EPHA10: variants seen among roughly 807,000 people sequenced by gnomAD.
EPHA10 encodes ephrin type-A receptor 10.
Under a neutral mutation model 109.7 loss-of-function variants are expected in EPHA10, and 120 were observed. The observed-to-expected ratio is 1.09, with a 90% confidence interval of 0.94 to 1.27. The LOEUF (loss-of-function observed/expected upper bound fraction) is 1.27, where lower values mean the gene tolerates loss of function less well. Among genes scored for constraint, EPHA10 ranks in the 50% most tolerant of loss-of-function variants. EPHA10 has a pLI of 0.00. For missense variants in EPHA10, 1,396 were observed against 1,411.1 expected, an observed-to-expected ratio of 0.99 and a Z score of 0.17; for synonymous variants, 640 against 618.9, an observed-to-expected ratio of 1.03 and a Z score of -0.51.
intron 3 of EPHA10, among the ~76,000 whole-genome samples, chr1:37,758,222 A>G (rs1569767121): frequency 6.6e-6 from 1 of 151,892 alleles, no homozygotes; most frequent in African/African-American, 2.4e-5. Context: ...GTAATAAAAT[A>G]CTCCTGCCTC....
At chr1:37,740,128 C>CATA (rs1646131216) in intron 5 of EPHA10, among the ~76,000 whole-genome samples, 1 of 151,838 alleles carries the variant, frequency 6.6e-6, no homozygotes, top group Non-Finnish European at 1.5e-5. Context: ...CTTTGGACAA[C>CATA]GTATCTAGTT....
At position 37,762,060 on chromosome 1, in the gene EPHA10, A is replaced by G. The variant is rs1553141328; in HGVS notation, c.195T>C (p.Asp65=). The G allele has an allele frequency of 3.1e-6, 5 of 1,595,992 alleles. No individual in the cohort carries two copies. The East Asian group carries it at 9.0e-5, about 29-fold the overall frequency. ...ACGTGCGGATGGGACGGTCGTGTTC[A>G]TCCACGCCGCTGATCTCCTCCCACT... ...SNGWEEISGV[D]EHDRPIRTYQ... The change falls in exon 3 of 17, where the codon GAT becomes GAC. Residue 65 remains aspartate (D), a synonymous_variant. Transcript: ENST00000373048.
chr1:37,761,140 C>T (rs1280304095), intron 3 of EPHA10: 9 of 1,264,582 alleles, frequency 7.1e-6, no homozygotes, highest in East Asian at 6.2e-5. Flanking sequence ...AATAAATAAA[C>T]GAGAAGGCCT....
Position 37,762,825 on chromosome 1 carries a change from G to T in EPHA10, c.131C>A (p.Ser44Tyr). 1 of 1,553,674 alleles carries T rather than the reference G, an allele frequency of 6.4e-7. No individual in the cohort carries two copies. The highest frequency in any genetic ancestry group is 8.7e-7 in the Non-Finnish European group (1 of 1,147,820). The change falls in exon 2 of 17, where the codon TCC (serine) becomes TAC (tyrosine). Residue 44 changes from serine to tyrosine, a missense_variant. Transcript: ENST00000373048. ...EEVILLDSKA[S>Y]QAELGWTALP... ...TGCAGTCCAGCCCAGCTCGGCCTGG[G>T]AGGCTTTGGAATCCAGGAGGATAAC...
chr1:37,719,482 G>A lies in EPHA10; in HGVS notation c.2688C>T (p.Ile896=), dbSNP rs751281419. 1.2e-6 allele frequency: 2 copies of A among 1,614,008 alleles called. No homozygotes were observed. Among genetic ancestry groups the A allele is most frequent in the East Asian group, 2.2e-5 (1 of 44,876 alleles). ...GCACCATCTTGCTCAGGATGCTGTG[G>A]ATCTGGGAGAACCTGGGCCGCTCAC... ...DPGERPRFSQ[I]HSILSKMVQD... is the part of the protein sequence containing the mutation. Residue 896 remains isoleucine (I), a synonymous_variant, in exon 15 of 17, where the codon ATC becomes ATT. Coordinates refer to ENST00000373048, the MANE Select transcript of EPHA10 (RefSeq NM_001099439.2).
chr1:37,747,495 G>C (rs2148354773), intron 5 of EPHA10, among the ~76,000 whole-genome samples: 1 of 147,982 alleles, frequency 6.8e-6, no homozygotes, highest in South Asian at 2.2e-4. Flanking sequence ...AGGTTGCAGT[G>C]AGCCAAGATC....
intron 11 of EPHA10, among the ~76,000 whole-genome samples, chr1:37,721,283 C>T (rs939952037): frequency 7.5e-5 from 11 of 147,036 alleles, no homozygotes; most frequent in African/African-American, 1.5e-4. Context: ...AAAAAATTAG[C>T]CGGGCCTGGT....
At chr1:37,731,191 A>G (rs1275273768) in intron 7 of EPHA10, among the ~76,000 whole-genome samples, 2 of 152,216 alleles carry the variant, frequency 1.3e-5, no homozygotes, top group African/African-American at 4.8e-5. Context: ...GAGCTCCTCC[A>G]GGACAGTTTC....
chr1:37,765,044 T>C lies in EPHA10; in HGVS notation c.23A>G (p.His8Arg). The C allele has an allele frequency of 6.2e-7, 1 of 1,606,232 alleles. No homozygotes were observed. The highest frequency in any genetic ancestry group is 8.5e-7 in the Non-Finnish European group (1 of 1,178,246). Residue 8 changes from histidine to arginine, a missense_variant, in exon 1 of 17, where the codon CAC (histidine) becomes CGC (arginine). Transcript: ENST00000373048. METCAGP[H>R]PLRLFLCRMQ... is the part of the protein sequence containing the mutation. ...CCGGCAGAGGAAGAGGCGCAGCGGG[T>C]GTGGACCGGCGCAGGTCTCCATGGT... is the stretch of plus-strand genomic sequence containing the variant.
chr1:37,753,246 G>A lies in EPHA10; in HGVS notation c.1007-20C>T. On this transcript the variant is annotated intron_variant, in intron 4 of 16. Transcript: ENST00000373048. ...GCGGCCCTGAGGCGGCACAGGGGCG[G>A]GGCGGTCAGGGCGGGGCGTGGGTGC... The A allele has an allele frequency of 2.3e-6, 3 of 1,282,088 alleles. No individual in the cohort carries two copies. Among genetic ancestry groups the A allele is most frequent in the Non-Finnish European group, 3.0e-6 (3 of 1,016,008 alleles). The allele number at this position is 1,282,088 out of a possible 1,614,324, so 79.4% of individuals were successfully genotyped here.
At chr1:37,740,103 GA>G (rs1351122347) in intron 5 of EPHA10, among the ~76,000 whole-genome samples, 6 of 151,830 alleles carry the variant, frequency 4.0e-5, no homozygotes, top group African/African-American at 1.2e-4. Context: ...AAAAATAAAG[GA>G]AAAAAATTAT....
At chr1:37,724,360 C>T (rs35436820) in intron 8 of EPHA10, among the ~76,000 whole-genome samples, 11,086 of 152,046 alleles carry the variant, frequency 0.073, 470 homozygotes, top group Middle Eastern at 0.16. Flanking sequence ...GACGGGCGTT[C>T]GACGTGTGTG....
chr1:37,736,632 T>C (rs1646077193), intron 5 of EPHA10, among the ~76,000 whole-genome samples: 1 of 151,258 alleles, frequency 6.6e-6, no homozygotes, highest in Non-Finnish European at 1.5e-5. Context: ...CACTTGAACC[T>C]GGGAGGCAGA....
At chr1:37,730,057 C>T (rs892883495) in intron 7 of EPHA10, among the ~76,000 whole-genome samples, 1 of 152,026 alleles carries the variant, frequency 6.6e-6, no homozygotes, top group East Asian at 1.9e-4. Context: ...CAGCTCCTGC[C>T]CCCACTACGC....
chr1:37,762,279 G>C (rs1468712220), intron 2 of EPHA10, among the ~76,000 whole-genome samples, 196 bp from the exon 3 acceptor site: 1 of 152,220 alleles, frequency 6.6e-6, no homozygotes, highest in Non-Finnish European at 1.5e-5. Context: ...AGGCTCCAGA[G>C]GGAGAGCGAT....
chr1:37,733,070 T>C (rs940620801), intron 6 of EPHA10, among the ~76,000 whole-genome samples: 4 of 150,380 alleles, frequency 2.7e-5, no homozygotes, highest in Non-Finnish European at 5.9e-5. Flanking sequence ...TTTTTGTTTT[T>C]TTAATAGAGA....
At position 37,731,485 on chromosome 1, in the gene EPHA10, C is replaced by T. The variant is rs546366373; in HGVS notation, c.1589G>A (p.Arg530Gln). Residue 530 changes from arginine to glutamine, a missense_variant, in exon 7 of 17, where the codon CGG becomes CAG. By Grantham distance (43) the Arg-to-Gln change is conservative. Coordinates refer to ENST00000373048, the MANE Select transcript of EPHA10 (RefSeq NM_001099439.2). ...KPATRYVFQI[R>Q]AASPGPSWEA... ...CCAGGATGGCCCCGGGGAAGCGGCC[C>T]GGATCTGAAAGACGTAGCGGGTAGC... is the stretch of plus-strand genomic sequence containing the variant. The T allele has an allele frequency of 3.1e-5, 50 of 1,614,036 alleles. No individual in the cohort carries two copies. Among genetic ancestry groups the T allele is most frequent in the South Asian group, 1.8e-4 (16 of 91,062 alleles).
rs1018938954 is a variant in EPHA10, at chr1:37,717,304, G to A, written c.*1068C>T. On this transcript the variant is annotated 3_prime_UTR_variant, in exon 17 of 17. Coordinates refer to ENST00000373048, the MANE Select transcript of EPHA10 (RefSeq NM_001099439.2). Reference sequence around the variant, plus strand: ...TGCCCAAGGCACGGAGCTGGCTGGAGGGGAGTCGCCTCTAGAGTCCCCAAG... The same window carrying A: ...TGCCCAAGGCACGGAGCTGGCTGGAAGGGAGTCGCCTCTAGAGTCCCCAAG... The A allele has an allele frequency of 4.3e-6, 1 of 232,714 alleles. No individual in the cohort carries two copies. 14.4% of individuals were successfully genotyped at this position (232,714 alleles called of 1,614,324 possible). A position where few individuals can be genotyped will look rare whatever the true frequency, so the allele number is the denominator to read the frequency against.
chr1:37,720,610 G>A (rs1177827919), intron 12 of EPHA10, 56 bp from the exon 13 acceptor site: 6 of 1,560,760 alleles, frequency 3.8e-6, no homozygotes, highest in South Asian at 3.5e-5. Flanking sequence ...CTGGTGTTGT[G>A]TGACACCAGG....
Sources: allele counts gnomAD v4.1 joint callset (sites outside exome capture counted in the v4.1 genomes callset), GRCh38; gene constraint gnomAD v4.1.1; transcripts MANE v1.5; gene names NCBI Gene and HGNC (gene_info 2026-07-23, HGNC 2026-07-21).